Variants in SPOCK3 observed in about 807,000 individuals in gnomAD.
The protein encoded by SPOCK3 is testican-3.
Under a neutral mutation model 56.6 loss-of-function variants are expected in SPOCK3, and 30 were observed. The observed-to-expected ratio is 0.53, with a 90% CI of 0.40 to 0.72. SPOCK3 has a LOEUF of 0.72. Ranked by LOEUF, SPOCK3 falls within the 30% of genes least tolerant of loss-of-function variation. The pLI, the probability that SPOCK3 is intolerant of heterozygous loss-of-function variation, is 0.00. For missense variants in SPOCK3, 527 were observed against 530.0 expected, an observed-to-expected ratio of 0.99 and a Z score of 0.06; for synonymous variants, 196 against 183.3, an observed-to-expected ratio of 1.07 and a Z score of -0.56.
intron 2 of SPOCK3, among the ~76,000 whole-genome samples, chr4:167,095,959 T>A (rs189871027): frequency 2.6e-5 from 4 of 152,008 alleles, no homozygotes; most frequent in Admixed American, 2.6e-4. Flanking sequence ...CTTTCTTGTA[T>A]ACTTTCAAGG....
At chr4:166,788,550 A>G (rs1035262034) in intron 7 of SPOCK3, among the ~76,000 whole-genome samples, 4 of 151,840 alleles carry the variant, frequency 2.6e-5, no homozygotes, top group African/African-American at 9.7e-5. Context: ...ATGATATACT[A>G]TAAAGAAGTA....
intron 3 of SPOCK3, among the ~76,000 whole-genome samples, chr4:167,017,006 A>G (rs1750690297): frequency 6.6e-6 from 1 of 152,152 alleles, no homozygotes; most frequent in African/African-American, 2.4e-5. Context: ...GGTGTAGTAA[A>G]GACAAGATTT....
rs72975548 is a variant in SPOCK3 at position 167,178,708 on chromosome 4, C to T, written c.189+55277G>A. 9.8e-3 allele frequency among the ~76,000 whole-genome samples: 1,487 copies of T among 151,858 alleles called. 15 individuals are homozygous for T. The highest frequency in any genetic ancestry group is 0.033 in the African/African-American group (1,380 of 41,440). On this transcript the variant is annotated intron_variant, in intron 2 of 10. Coordinates refer to ENST00000357545, the MANE Select transcript of SPOCK3 (RefSeq NM_001040159.2). Reference sequence around the variant, plus strand: ...AGAGATATGATAATAACATACTGAGCAAAAGATTTTCAAAAATTCATTGTG... The same window carrying T: ...AGAGATATGATAATAACATACTGAGTAAAAGATTTTCAAAAATTCATTGTG...
At chr4:166,830,604 T>A (rs768987706) in intron 6 of SPOCK3, among the ~76,000 whole-genome samples, 3 of 152,046 alleles carry the variant, frequency 2.0e-5, no homozygotes, top group Non-Finnish European at 4.4e-5. Flanking sequence ...ATTAGTGGCA[T>A]ATGCCTGTAA....
intron 4 of SPOCK3, among the ~76,000 whole-genome samples, chr4:166,944,711 A>G (rs1048068839): frequency 4.0e-5 from 6 of 150,888 alleles, no homozygotes; most frequent in Admixed American, 1.3e-4. Flanking sequence ...TTTTTGTCAC[A>G]TCTTCTTATG....
intron 4 of SPOCK3, among the ~76,000 whole-genome samples, chr4:166,959,604 T>C (rs972642958): frequency 3.4e-4 from 40 of 116,982 alleles, no homozygotes; most frequent in Admixed American, 2.9e-3. Context: ...AGAGCAAGAG[T>C]TCGTCTCAAA....
chr4:166,932,201 A>G (rs1739866728), intron 4 of SPOCK3, among the ~76,000 whole-genome samples: 1 of 152,330 alleles, frequency 6.6e-6, no homozygotes, highest in South Asian at 2.1e-4. Flanking sequence ...CAGTTAATGT[A>G]TAAAAGAGAC....
intron 3 of SPOCK3, among the ~76,000 whole-genome samples, chr4:167,002,746 T>C (rs902858256): frequency 6.6e-6 from 1 of 152,142 alleles, no homozygotes; most frequent in African/African-American, 2.4e-5. Context: ...ACTACAAAAG[T>C]GTATGACTTC....
intron 6 of SPOCK3, among the ~76,000 whole-genome samples, chr4:166,821,023 G>A (rs1433464726): frequency 6.6e-6 from 1 of 151,976 alleles, no homozygotes; most frequent in Admixed American, 6.6e-5. Context: ...CACAGCTTGA[G>A]AGAAAGAGAA....
At chr4:167,034,990 T>C (rs888091699) in intron 3 of SPOCK3, among the ~76,000 whole-genome samples, 1 of 152,134 alleles carries the variant, frequency 6.6e-6, no homozygotes, top group Non-Finnish European at 1.5e-5. Flanking sequence ...TATCTACTCA[T>C]TGATAAAACA....
intron 3 of SPOCK3, among the ~76,000 whole-genome samples, chr4:167,052,742 T>C (rs1754354768): frequency 6.6e-6 from 1 of 152,114 alleles, no homozygotes; most frequent in African/African-American, 2.4e-5. Context: ...CAGAATACTG[T>C]CAATAAATGT....
At chr4:167,042,377 G>C (rs1753307378) in intron 3 of SPOCK3, among the ~76,000 whole-genome samples, 1 of 152,164 alleles carries the variant, frequency 6.6e-6, no homozygotes, top group African/African-American at 2.4e-5. Context: ...AATAGGATAT[G>C]TTATGTAATT....
At chr4:166,982,620 T>C (rs765445661) in intron 4 of SPOCK3, among the ~76,000 whole-genome samples, 33 of 152,132 alleles carry the variant, frequency 2.2e-4, no homozygotes, top group Admixed American at 2.0e-3. Flanking sequence ...TTTAGGGTTA[T>C]CCATATAAAT....
intron 3 of SPOCK3, among the ~76,000 whole-genome samples, chr4:167,007,806 C>T (rs1463726541): frequency 1.3e-5 from 2 of 152,162 alleles, no homozygotes; most frequent in Non-Finnish European, 2.9e-5. Context: ...CTTTTGTCAA[C>T]AGCTTTTCCT....
chr4:167,033,894 A>T (rs1752497536), intron 3 of SPOCK3, among the ~76,000 whole-genome samples: 1 of 152,052 alleles, frequency 6.6e-6, no homozygotes, highest in African/African-American at 2.4e-5. Flanking sequence ...TCTTCTAATG[A>T]TCACATGTCA....
chr4:166,857,158 A>C (rs72697537), intron 6 of SPOCK3, among the ~76,000 whole-genome samples: 26 of 151,976 alleles, frequency 1.7e-4, no homozygotes, highest in Non-Finnish European at 3.4e-4. Context: ...TTGTCTTTTA[A>C]AGTTTTAAGA....
At chr4:166,989,188 G>A (rs1561090400) in intron 4 of SPOCK3, among the ~76,000 whole-genome samples, 1 of 152,014 alleles carries the variant, frequency 6.6e-6, no homozygotes, top group Non-Finnish European at 1.5e-5. Context: ...TTAGTTGCCT[G>A]TTAACTGACT....
intron 6 of SPOCK3, among the ~76,000 whole-genome samples, chr4:166,841,271 C>T (rs1054272515): frequency 1.3e-5 from 2 of 152,118 alleles, no homozygotes; most frequent in Admixed American, 6.5e-5. Context: ...CTAATTTCTT[C>T]AATCATTTCC....
chr4:166,912,892 G>A, intron 4 of SPOCK3, 149 bp from the exon 5 acceptor site: 1 of 680,244 alleles, frequency 1.5e-6, no homozygotes. Flanking sequence ...ATTATTTCAT[G>A]CCATATTTTT....
Sources: allele counts gnomAD v4.1 joint callset (sites outside exome capture counted in the v4.1 genomes callset), GRCh38; gene constraint gnomAD v4.1.1; transcripts MANE v1.5; gene names NCBI Gene and HGNC (gene_info 2026-07-23, HGNC 2026-07-21).